ASTN2: variants seen among roughly 807,000 people sequenced by gnomAD.
The protein encoded by ASTN2 is astrotactin 2, also known as astrotactin-2.
ASTN2 carries 54 observed loss-of-function variants against 139.8 expected under a neutral mutation model. The ratio of observed to expected loss-of-function variants is 0.39; its 90% confidence interval spans 0.31 to 0.48. The LOEUF (loss-of-function observed/expected upper bound fraction) is 0.48. ASTN2 is among the 20% of genes least tolerant of loss of function. ASTN2 has a pLI of 0.95. For synonymous variants in ASTN2, 756 were observed against 719.5 expected (o/e 1.05, Z -0.81); for missense variants, 1,565 against 1,725.1 (o/e 0.91, Z 1.64).
intron 19 of ASTN2, among the ~76,000 whole-genome samples, chr9:116,512,950 A>G (rs1466204518): frequency 1.3e-5 from 2 of 152,118 alleles, no homozygotes; most frequent in African/African-American, 2.4e-5. Flanking sequence ...TTGACTCTTT[A>G]TCCAATTTGC....
At chr9:116,962,864 T>C (rs181096655) in intron 10 of ASTN2, among the ~76,000 whole-genome samples, 34 of 152,304 alleles carry the variant, frequency 2.2e-4, no homozygotes, top group Non-Finnish European at 7.4e-5. Flanking sequence ...TACTTTGAGA[T>C]AGCGTAAAGG....
At chr9:116,681,327 G>A (rs1270973842) in intron 16 of ASTN2, among the ~76,000 whole-genome samples, 1 of 152,088 alleles carries the variant, frequency 6.6e-6, no homozygotes, top group African/African-American at 2.4e-5. Context: ...GGGACGTGAA[G>A]GACCTCTTCA....
intron 4 of ASTN2, among the ~76,000 whole-genome samples, chr9:117,127,767 A>G (rs1476493773): frequency 2.4e-5 from 3 of 123,510 alleles, no homozygotes; most frequent in East Asian, 2.6e-4. Flanking sequence ...TGCAAGCTCC[A>G]CCTCCCGGGT....
chr9:116,743,896 T>A (rs1175857758), intron 13 of ASTN2, among the ~76,000 whole-genome samples: 2 of 152,216 alleles, frequency 1.3e-5, no homozygotes, highest in Non-Finnish European at 2.9e-5. Context: ...GTATACTGAG[T>A]TGCAGCAAAA....
chr9:117,170,073 C>A (rs989702603), intron 3 of ASTN2, among the ~76,000 whole-genome samples: 3 of 152,048 alleles, frequency 2.0e-5, no homozygotes, highest in Admixed American at 2.0e-4. Context: ...TGGGGAAGGT[C>A]ATTGTGAGGA....
intron 11 of ASTN2, among the ~76,000 whole-genome samples, chr9:116,858,855 A>T (rs1252296364): frequency 6.6e-6 from 1 of 152,194 alleles, no homozygotes; most frequent in Admixed American, 6.5e-5. Flanking sequence ...ACCTGTTATC[A>T]GTATTTTATT....
At chr9:116,437,157 C>T in intron 22 of ASTN2, 1 of 354,430 alleles carries the variant, frequency 2.8e-6, no homozygotes. Flanking sequence ...TGTAACTAAC[C>T]TGCACATTGT....
chr9:116,587,883 G>A (rs1422044332), intron 19 of ASTN2, among the ~76,000 whole-genome samples: 2 of 152,164 alleles, frequency 1.3e-5, no homozygotes, highest in African/African-American at 4.8e-5. Flanking sequence ...TTTGAGAGAA[G>A]CATTCCAGTA....
At chr9:116,946,935 T>TCAAAAAAAAAAAAAAAAAAAACAA (rs1835412526) in intron 10 of ASTN2, among the ~76,000 whole-genome samples, 1 of 10,808 alleles carries the variant, frequency 9.3e-5, no homozygotes, top group African/African-American at 2.4e-4. Flanking sequence ...CACATTTTTG[T>TCAAAAAAAAAAAAAAAAAAAACAA]CAAAAAAAAA....
chr9:116,970,616 G>C (rs1481472816), intron 10 of ASTN2, among the ~76,000 whole-genome samples: 1 of 152,092 alleles, frequency 6.6e-6, no homozygotes, highest in East Asian at 1.9e-4. Context: ...TTTAAAATAT[G>C]GTAGGTGTTC....
At chr9:116,895,194 CTTTA>C (rs1833852906) in intron 10 of ASTN2, among the ~76,000 whole-genome samples, 1 of 152,190 alleles carries the variant, frequency 6.6e-6, no homozygotes, top group Non-Finnish European at 1.5e-5. Context: ...TGTACACACA[CTTTA>C]TTTAATGCAC....
intron 2 of ASTN2, among the ~76,000 whole-genome samples, chr9:117,245,903 G>A (rs1276017346): frequency 6.6e-6 from 1 of 151,984 alleles, no homozygotes; most frequent in Non-Finnish European, 1.5e-5. Context: ...AGGTCTCTGG[G>A]CTACATAGAA....
At chr9:116,879,707 C>T (rs576274606) in intron 10 of ASTN2, among the ~76,000 whole-genome samples, 86 of 152,140 alleles carry the variant, frequency 5.7e-4, no homozygotes, top group Non-Finnish European at 1.1e-3. Flanking sequence ...TAAAAACACA[C>T]GTGAAACACT....
intron 10 of ASTN2, among the ~76,000 whole-genome samples, chr9:116,961,177 C>T (rs1835865483): frequency 6.6e-6 from 1 of 151,450 alleles, no homozygotes; most frequent in Non-Finnish European, 1.5e-5. Context: ...ATTTCTTCCC[C>T]CCACCCAGCC....
At chr9:117,083,313 C>T (rs779732164) in intron 5 of ASTN2, among the ~76,000 whole-genome samples, 43 of 152,294 alleles carry the variant, frequency 2.8e-4, no homozygotes, top group Non-Finnish European at 5.4e-4. Context: ...CCTTCACATA[C>T]CTTATATTTT....
intron 2 of ASTN2, among the ~76,000 whole-genome samples, chr9:117,248,763 T>A (rs1833455494): frequency 1.3e-5 from 2 of 152,152 alleles, no homozygotes; most frequent in South Asian, 4.1e-4. Flanking sequence ...AAACACCCCA[T>A]CTGGAAAAGG....
At chr9:117,032,058 A>G (rs564842749) in intron 6 of ASTN2, among the ~76,000 whole-genome samples, 1 of 152,232 alleles carries the variant, frequency 6.6e-6, no homozygotes, top group Admixed American at 6.5e-5. Flanking sequence ...AGTTGTCTCA[A>G]TGACACATAT....
rs114183737 is a variant in ASTN2, at chr9:116,748,939, A to G, written c.2397-15416T>C. Among the ~76,000 whole-genome samples the G allele has an allele frequency of 6.8e-3, 1,033 of 152,276 alleles. 19 individuals are homozygous for G. Among genetic ancestry groups the G allele is most frequent in the African/African-American group, 0.024 (987 of 41,542 alleles). ...GCTAAGAGAAAGTTCTCAAGATGAG[A>G]AGACCTATTCTCATGGACACCTTAT... On this transcript the variant is annotated intron_variant, in intron 13 of 22. Coordinates refer to ENST00000313400, the MANE Select transcript of ASTN2 (RefSeq NM_001365068.1).
chr9:117,073,768 G>A (rs2132713394), intron 5 of ASTN2, among the ~76,000 whole-genome samples: 1 of 152,240 alleles, frequency 6.6e-6, no homozygotes, highest in South Asian at 2.1e-4. Flanking sequence ...AGCAGGCGGT[G>A]GAATTTCTCT....
Sources: gnomAD v4.1 joint callset for allele counts (sites outside exome capture counted in the v4.1 genomes callset) on GRCh38, gnomAD v4.1.1 for gene constraint, MANE v1.5 for transcripts, NCBI Gene and HGNC (gene_info 2026-07-23, HGNC 2026-07-21) for gene names.